The following BTBD8 variants were observed in gnomAD, a reference collection of about 807,000 sequenced individuals.
BTBD8 encodes BTB/POZ domain-containing protein 8.
A neutral mutation model predicts 162.9 loss-of-function variants in BTBD8; 110 were observed. The ratio of observed to expected loss-of-function variants is 0.68; its 90% CI spans 0.58 to 0.79. The LOEUF (loss-of-function observed/expected upper bound fraction) is 0.79. Ranked by LOEUF, BTBD8 falls within the 30% of genes least tolerant of loss-of-function variation. The pLI, the probability that BTBD8 is intolerant of heterozygous loss-of-function variation, is 0.00. For synonymous variants in BTBD8, 667 were observed against 716.1 expected, an observed-to-expected ratio of 0.93 and a Z score of 1.10; for missense variants, 1,905 against 2,085.4, an observed-to-expected ratio of 0.91 and a Z score of 1.68.
At position 92,177,249 on chromosome 1, in the gene BTBD8, G is replaced by A. The variant is rs183441767; in HGVS notation, c.2056G>A (p.Gly686Arg). 114 of 1,552,082 alleles carry A rather than the reference G, an allele frequency of 7.3e-5. No homozygotes were observed. In the East Asian group the frequency reaches 2.3e-3, roughly 31 times the overall value. Residue 686 changes from glycine (G) to arginine (R), a missense_variant, in exon 14 of 18, where the codon GGG (glycine) becomes AGG (arginine). Gly to Arg is a moderately radical substitution (Grantham distance 125, BLOSUM62 -2). Around this residue, in one of 3 missense-constraint regions of BTBD8, gnomAD observed 1,374 missense variants for 1,442.7 expected, o/e 0.95. Transcript: ENST00000636805. ...TGGAAAAGGAGTGAGAAATCAGGAA[G>A]GGCAAATTTCAGGTGCCAGACCCAA... ...LNGKGVRNQEGQISGARPKVL... is the reference protein window; with the variant it reads ...LNGKGVRNQERQISGARPKVL...
intron 13 of BTBD8, among the ~76,000 whole-genome samples, chr1:92,173,785 G>C (rs1036901262): frequency 6.6e-6 from 1 of 152,176 alleles, no homozygotes; most frequent in Non-Finnish European, 1.5e-5. Context: ...CAGGATTATT[G>C]TGAAAATTAG....
intron 13 of BTBD8, among the ~76,000 whole-genome samples, chr1:92,172,295 G>A (rs907143514): frequency 2.0e-5 from 3 of 152,158 alleles, no homozygotes; most frequent in African/African-American, 7.2e-5. Context: ...TGTTCAATGA[G>A]TACAGAGTTT....
At chr1:92,166,424 C>CT (rs35849731) in intron 9 of BTBD8, among the ~76,000 whole-genome samples, 77,839 of 120,428 alleles carry the variant, frequency 0.65, 26,102 homozygotes, top group East Asian at 0.95. Flanking sequence ...TCTTTTCTTT[C>CT]TTTTTTTTTT....
intron 5 of BTBD8, among the ~76,000 whole-genome samples, chr1:92,132,881 G>GA (rs1426349160): frequency 2.0e-5 from 3 of 152,124 alleles, no homozygotes; most frequent in Admixed American, 6.6e-5. Flanking sequence ...GCAAGGTTCT[G>GA]TAACACTAAA....
Position 92,145,767 on chromosome 1 carries a change from A to G in BTBD8, c.931-1413A>G, listed in dbSNP as rs529292744. ...GAGGCCAAGGCGGGTGGATCACGAG[A>G]CCAGGAGTTCAAGACCAGCCTGACC... On this transcript the variant is annotated intron_variant, in intron 7 of 17. Transcript: ENST00000636805. Among the ~76,000 whole-genome samples the G allele has an allele frequency of 4.5e-4, 69 of 152,176 alleles. No individual in the cohort carries two copies. The Middle Eastern group carries it at 0.01, about 23-fold the overall frequency.
intron 2 of BTBD8, among the ~76,000 whole-genome samples, chr1:92,101,811 C>T (rs1249223436): frequency 6.6e-6 from 1 of 152,016 alleles, no homozygotes; most frequent in East Asian, 1.9e-4. Flanking sequence ...ATCCTCCCAC[C>T]TCAGCCACCC....
chr1:92,090,942 A>T lies in BTBD8; in HGVS notation c.347+2047A>T, dbSNP rs111254720. Among the ~76,000 whole-genome samples the T allele has an allele frequency of 4.3e-3, 649 of 152,176 alleles. 9 individuals are homozygous for T. In the East Asian group the frequency reaches 0.058, roughly 14 times the overall value. On this transcript the variant is annotated intron_variant, in intron 2 of 17. Coordinates refer to ENST00000636805, the MANE Select transcript of BTBD8 (RefSeq NM_001376131.1). ...GCAAGACTCCATCTCAAAAAAAAAA[A>T]TTTTTTATTATGTAGTCTAGCTTAT...
chr1:92,143,430 C>T (rs990162432), intron 7 of BTBD8, among the ~76,000 whole-genome samples: 3 of 151,904 alleles, frequency 2.0e-5, no homozygotes, highest in Non-Finnish European at 4.4e-5. Flanking sequence ...TTAATAAAAA[C>T]AGAAAATGAA....
chr1:92,091,607 T>C (rs1648305573), intron 2 of BTBD8, among the ~76,000 whole-genome samples: 1 of 151,970 alleles, frequency 6.6e-6, no homozygotes, highest in South Asian at 2.1e-4. Flanking sequence ...CAATCTCGGC[T>C]CACTGCAAGC....
intron 6 of BTBD8, chr1:92,139,670 A>T: frequency 1.4e-6 from 1 of 734,140 alleles, no homozygotes; most frequent in Non-Finnish European, 1.8e-6. Flanking sequence ...TAAATTTAGA[A>T]GAAGCTATAA....
intron 10 of BTBD8, among the ~76,000 whole-genome samples, 167 bp from the exon 11 acceptor site, chr1:92,167,681 A>G (rs1212955631): frequency 6.6e-6 from 1 of 151,736 alleles, no homozygotes; most frequent in Non-Finnish European, 1.5e-5. Flanking sequence ...AAATAAAAAT[A>G]AAAGCTGCGT....
At position 92,166,939 on chromosome 1, in the gene BTBD8, A is replaced by T. The variant is rs1192458149; in HGVS notation, c.1123-19A>T. ...AGCAGTAATAGCATCTAACTTTCCA[A>T]TTTTTTTTTAAATCTAAGAATGATA... is the stretch of plus-strand genomic sequence containing the variant. On this transcript the variant is annotated intron_variant, in intron 9 of 17. Transcript: ENST00000636805. 4.7e-6 allele frequency: 7 copies of T among 1,505,302 alleles called. No individual in the cohort carries two copies. The Middle Eastern group carries it at 5.2e-4, about 112-fold the overall frequency. 93.2% of individuals were successfully genotyped at this position (1,505,302 alleles called of 1,614,324 possible).
rs1351357116 is a variant in BTBD8, at chr1:92,181,500, G to A, written c.3817G>A (p.Gly1273Arg). 1 of 1,551,740 alleles carries A rather than the reference G, an allele frequency of 6.4e-7. No individual in the cohort carries two copies. Among genetic ancestry groups the A allele is most frequent in the Non-Finnish European group, 8.7e-7 (1 of 1,146,980 alleles). The change falls in exon 17 of 18, where the codon GGG becomes AGG. Residue 1273 changes from glycine to arginine, a missense_variant. This residue lies in a region of BTBD8 where 517 missense variants were observed against 606.6 expected (regional missense o/e 0.85). Coordinates refer to ENST00000636805, the MANE Select transcript of BTBD8 (RefSeq NM_001376131.1). ...KPRSEDYDAGGSQDDDGSNDR... is the reference protein window; with the variant it reads ...KPRSEDYDAGRSQDDDGSNDR... Reference sequence around the variant, plus strand: ...CAGATCTGAAGACTATGATGCTGGAGGGTCTCAGGATGATGATGGGTCAAA... The same window carrying A: ...CAGATCTGAAGACTATGATGCTGGAAGGTCTCAGGATGATGATGGGTCAAA...
chr1:92,095,571 C>T (rs1194514181), intron 2 of BTBD8, among the ~76,000 whole-genome samples: 1 of 152,152 alleles, frequency 6.6e-6, no homozygotes, highest in African/African-American at 2.4e-5. Context: ...CTTCTTACTC[C>T]CCTATTGTTG....
chr1:92,171,423 G>T lies in BTBD8; in HGVS notation c.1598G>T (p.Arg533Leu). The T allele has an allele frequency of 6.5e-7, 1 of 1,537,154 alleles. No individual in the cohort carries two copies. Among genetic ancestry groups the T allele is most frequent in the Non-Finnish European group, 8.8e-7 (1 of 1,139,544 alleles). The change falls in exon 13 of 18, where the codon CGA (arginine) becomes CTA (leucine). Residue 533 changes from arginine to leucine, a missense_variant. By Grantham distance (102) the Arg-to-Leu change is moderately radical. Transcript: ENST00000636805. ...QAAAFDKGDD[R>L]RLGKKPIFSS... is the part of the protein sequence containing the mutation. ...GCTGCATTTGACAAAGGTGATGATC[G>T]AAGACTTGGCAAAAAGCCTATATTC...
chr1:92,085,533 C>T (rs1229353252), intron 1 of BTBD8, among the ~76,000 whole-genome samples: 1 of 151,950 alleles, frequency 6.6e-6, no homozygotes, highest in Admixed American at 6.6e-5. Flanking sequence ...TAGAGGTGCA[C>T]ACCTGTACTC....
intron 4 of BTBD8, among the ~76,000 whole-genome samples, chr1:92,127,348 C>A (rs490800): frequency 0.74 from 112,477 of 152,096 alleles, 42,826 homozygotes; most frequent in East Asian, 0.97. Context: ...GTTAATGTAC[C>A]TCCTTCAGTT....
chr1:92,164,619 G>A (rs1020148921), intron 9 of BTBD8, among the ~76,000 whole-genome samples: 9 of 149,002 alleles, frequency 6.0e-5, no homozygotes, highest in Admixed American at 4.0e-4. Context: ...ACCCCGTTAC[G>A]GCGAGCTGAG....
intron 5 of BTBD8, among the ~76,000 whole-genome samples, chr1:92,130,946 A>G (rs184761058): frequency 1.3e-5 from 2 of 152,258 alleles, no homozygotes; most frequent in Admixed American, 1.3e-4. Context: ...CAAGTAATTC[A>G]CCTTGCCTTG....
Sources: gnomAD v4.1 joint callset for allele counts (sites outside exome capture counted in the v4.1 genomes callset) on GRCh38, gnomAD v4.1.1 for gene constraint, gnomAD v4.1.1 regional missense constraint, MANE v1.5 for transcripts, NCBI Gene and HGNC (gene_info 2026-07-23, HGNC 2026-07-21) for gene names.